The following AP3B1 variants were observed in gnomAD, a reference collection of about 807,000 sequenced individuals.
AP3B1 encodes AP-3 complex subunit beta-1.
In AP3B1, 61 loss-of-function variants were observed where a neutral mutation model predicts 132.5. That is an observed-to-expected ratio of 0.46 (90% confidence interval 0.37 to 0.57). AP3B1 has a LOEUF of 0.57. Among genes scored for constraint, AP3B1 ranks in the 20% least tolerant of loss-of-function variants. The pLI is 0.00. For synonymous variants in AP3B1, 388 were observed against 438.3 expected (o/e 0.89, Z 1.43); for missense variants, 1,120 against 1,289.4 (o/e 0.87, Z 2.01).
At chr5:78,189,867 CTCAAATAAAATAAAA>C (rs1744755228) in intron 7 of AP3B1, among the ~76,000 whole-genome samples, 1 of 102,590 alleles carries the variant, frequency 9.7e-6, no homozygotes, top group Non-Finnish European at 2.0e-5. Context: ...AAGACTCCAT[CTCAAATAAAATAAAA>C]TAAAATAAAA....
intron 1 of AP3B1, among the ~76,000 whole-genome samples, chr5:78,270,838 C>T (rs1748517341): frequency 1.3e-5 from 2 of 152,236 alleles, no homozygotes; most frequent in Admixed American, 1.3e-4. Context: ...GACCACTACT[C>T]TTTCATCTTG....
intron 7 of AP3B1, among the ~76,000 whole-genome samples, chr5:78,212,048 C>T (rs1404478185): frequency 6.6e-6 from 1 of 152,082 alleles, no homozygotes; most frequent in Admixed American, 6.6e-5. Context: ...GGGAGGCTGC[C>T]GAGGGCAGAT....
At chr5:78,001,123 A>T (rs1211044590), downstream of AP3B1, 1 of 152,250 alleles carries the variant, frequency 6.6e-6, no homozygotes, top group Non-Finnish European at 1.5e-5. Flanking sequence ...ACTATCTTTT[A>T]AAGATGAGTG....
intron 20 of AP3B1, among the ~76,000 whole-genome samples, chr5:78,105,056 T>C (rs928434809): frequency 7.9e-5 from 12 of 152,202 alleles, no homozygotes; most frequent in Non-Finnish European, 1.3e-4. Context: ...TTAATATTTA[T>C]TTCACATTGG....
chr5:78,062,361 T>A (rs1291331541), intron 22 of AP3B1, among the ~76,000 whole-genome samples: 1 of 152,246 alleles, frequency 6.6e-6, no homozygotes, highest in Non-Finnish European at 1.5e-5. Flanking sequence ...GAGGTACTTA[T>A]AATTTCTCAT....
chr5:78,188,623 T>C (rs935223247), intron 7 of AP3B1, among the ~76,000 whole-genome samples: 2 of 152,166 alleles, frequency 1.3e-5, no homozygotes, highest in Admixed American at 1.3e-4. Context: ...TTTTACACTG[T>C]TGGTGGGTAC....
chr5:78,141,385 AG>A, intron 14 of AP3B1, 66 bp from the exon 15 acceptor site: 1 of 1,333,650 alleles, frequency 7.5e-7, no homozygotes, highest in East Asian at 2.4e-5. Flanking sequence ...AACATAGAAA[AG>A]GTTTTAACTA....
At chr5:78,274,053 C>T (rs1483626511) in intron 1 of AP3B1, among the ~76,000 whole-genome samples, 1 of 137,636 alleles carries the variant, frequency 7.3e-6, no homozygotes. Flanking sequence ...AAAAAAAAAC[C>T]AGGAGCAGAT....
intron 7 of AP3B1, among the ~76,000 whole-genome samples, chr5:78,186,041 C>T (rs1279430314): frequency 2.6e-5 from 4 of 151,950 alleles, no homozygotes; most frequent in East Asian, 1.9e-4. Flanking sequence ...ACGCTTAAGC[C>T]TTAAAAATAA....
chr5:78,136,090 G>C (rs1752899128), intron 15 of AP3B1, among the ~76,000 whole-genome samples: 1 of 151,826 alleles, frequency 6.6e-6, no homozygotes, highest in Non-Finnish European at 1.5e-5. Flanking sequence ...CAAATCAGTA[G>C]TTTTTTTTCC....
intron 1 of AP3B1, among the ~76,000 whole-genome samples, chr5:78,274,597 G>A (rs1554034731): frequency 6.6e-6 from 1 of 152,010 alleles, no homozygotes; most frequent in Admixed American, 6.6e-5. Context: ...TCAAACTGCT[G>A]AAAACAAGAA....
chr5:78,129,665 CTT>C (rs1752611099), intron 15 of AP3B1, among the ~76,000 whole-genome samples: 1 of 151,986 alleles, frequency 6.6e-6, no homozygotes, highest in Non-Finnish European at 1.5e-5. Flanking sequence ...GCACTCAAAA[CTT>C]AATCGGAAAA....
chr5:78,208,277 T>C (rs1170661919), intron 7 of AP3B1, among the ~76,000 whole-genome samples: 1 of 152,178 alleles, frequency 6.6e-6, no homozygotes, highest in Non-Finnish European at 1.5e-5. Flanking sequence ...TTGAAATACT[T>C]GATATACTTG....
chr5:78,057,927 A>G (rs1748884495), intron 22 of AP3B1, among the ~76,000 whole-genome samples: 1 of 152,210 alleles, frequency 6.6e-6, no homozygotes, highest in South Asian at 2.1e-4. Flanking sequence ...CTAAGCCTAG[A>G]TAAGAATAAT....
intron 3 of AP3B1, among the ~76,000 whole-genome samples, chr5:78,237,201 GAA>G (rs1325541754): frequency 6.6e-6 from 1 of 152,090 alleles, no homozygotes; most frequent in East Asian, 1.9e-4. Context: ...CCTATCTAAT[GAA>G]AAAAATTAAG....
chr5:78,293,283 T>TTAA (rs1242790017), intron 1 of AP3B1, among the ~76,000 whole-genome samples: 2 of 152,196 alleles, frequency 1.3e-5, no homozygotes, highest in Non-Finnish European at 2.9e-5. Flanking sequence ...GTTAATTCAG[T>TTAA]CTAAACATTT....
At chr5:78,033,488 T>C (rs1477633405) in intron 24 of AP3B1, among the ~76,000 whole-genome samples, 2 of 152,088 alleles carry the variant, frequency 1.3e-5, no homozygotes, top group Non-Finnish European at 2.9e-5. Context: ...ATGTTTAATC[T>C]ATACATTTAT....
chr5:78,076,932 T>C (rs113805649), intron 22 of AP3B1, among the ~76,000 whole-genome samples: 76 of 152,302 alleles, frequency 5.0e-4, no homozygotes, highest in Middle Eastern at 3.4e-3. Flanking sequence ...TTTGCTAAAA[T>C]TGTAATCCTA....
intron 15 of AP3B1, among the ~76,000 whole-genome samples, chr5:78,137,178 G>C (rs1272781178): frequency 1.3e-5 from 2 of 152,150 alleles, no homozygotes; most frequent in East Asian, 1.9e-4. Flanking sequence ...TCTGGACATA[G>C]TTAAACTCTT....
Sources: allele counts gnomAD v4.1 joint callset (sites outside exome capture counted in the v4.1 genomes callset), GRCh38; gene constraint gnomAD v4.1.1; transcripts MANE v1.5; gene names NCBI Gene and HGNC (gene_info 2026-07-23, HGNC 2026-07-21).